Variants in GNAQ observed in about 807,000 individuals in gnomAD.
GNAQ encodes G protein subunit alpha q.
A neutral mutation model predicts 43.9 loss-of-function variants in GNAQ; 8 were observed. The ratio of observed to expected loss-of-function variants is 0.18; its 90% CI spans 0.11 to 0.33. The LOEUF is 0.33. Among genes scored for constraint, GNAQ ranks in the 10% least tolerant of loss-of-function variants. GNAQ has a pLI of 1.00. For synonymous variants in GNAQ, 155 were observed against 170.7 expected (o/e 0.91, Z 0.71); for missense variants, 158 against 450.8 (o/e 0.35, Z 5.88).
At chr9:77,729,178 A>G (rs1295713841) in intron 5 of GNAQ, among the ~76,000 whole-genome samples, 2 of 152,178 alleles carry the variant, frequency 1.3e-5, no homozygotes, top group African/African-American at 4.8e-5. Flanking sequence ...TTATTACTCT[A>G]CACACACACA....
At chr9:78,014,493 C>G (rs561742470) in intron 1 of GNAQ, among the ~76,000 whole-genome samples, 14 of 152,144 alleles carry the variant, frequency 9.2e-5, no homozygotes, top group South Asian at 4.2e-4. Flanking sequence ...ATAATCCCAG[C>G]TACTTAGGAG....
chr9:77,923,440 T>C (rs1829027097), intron 1 of GNAQ, among the ~76,000 whole-genome samples: 1 of 152,216 alleles, frequency 6.6e-6, no homozygotes, highest in Non-Finnish European at 1.5e-5. Context: ...GAGCTATATA[T>C]GTCCCTGGGA....
rs189421452 is a variant in GNAQ, at chr9:77,840,934, C to T, written c.322-25164G>A. Among the ~76,000 whole-genome samples, 26 of 151,926 alleles carry T rather than the reference C, an allele frequency of 1.7e-4. 2 individuals carry two copies. The highest frequency in any genetic ancestry group is 1.5e-3 in the Admixed American group (23 of 15,268). The stretch of plus-strand genomic sequence containing the variant: ...AGGGACACAGGTAGGGAAAGCAGAC[C>T]GATAGGCCACTCCTGAGCACTATAC... On this transcript the variant is annotated intron_variant, in intron 2 of 6. Coordinates refer to ENST00000286548, the MANE Select transcript of GNAQ (RefSeq NM_002072.5).
At chr9:77,954,638 T>C (rs1352784709) in intron 1 of GNAQ, among the ~76,000 whole-genome samples, 4 of 152,318 alleles carry the variant, frequency 2.6e-5, no homozygotes, top group South Asian at 4.1e-4. Context: ...TAGAGTTTAA[T>C]GACACAAAAT....
chr9:77,776,200 A>T (rs553655213), intron 5 of GNAQ, among the ~76,000 whole-genome samples: 1 of 152,344 alleles, frequency 6.6e-6, no homozygotes, highest in South Asian at 2.1e-4. Flanking sequence ...TAGCCTAGAA[A>T]ACCAACAGCT....
At chr9:77,805,517 GC>G (rs1160562726) in intron 3 of GNAQ, among the ~76,000 whole-genome samples, 4 of 151,894 alleles carry the variant, frequency 2.6e-5, no homozygotes, top group Non-Finnish European at 5.9e-5. Context: ...CGATTCTCCT[GC>G]CTCAGCCTCC....
At chr9:77,888,949 T>A (rs1244017712) in intron 2 of GNAQ, among the ~76,000 whole-genome samples, 2 of 152,108 alleles carry the variant, frequency 1.3e-5, no homozygotes, top group Non-Finnish European at 1.5e-5. Flanking sequence ...AATCAAAAAA[T>A]TTTTCATTCT....
intron 2 of GNAQ, among the ~76,000 whole-genome samples, chr9:77,822,933 G>T (rs1319510779): frequency 6.9e-6 from 1 of 144,452 alleles, no homozygotes; most frequent in Non-Finnish European, 1.5e-5. Flanking sequence ...TTTAGAAGTT[G>T]TTTTTTTTTT....
intron 5 of GNAQ, among the ~76,000 whole-genome samples, chr9:77,734,960 G>A (rs1051439194): frequency 6.6e-6 from 1 of 152,144 alleles, no homozygotes; most frequent in African/African-American, 2.4e-5. Flanking sequence ...AACATCTGCT[G>A]GGTACACCTA....
At chr9:78,031,013 CG>C in intron 1 of GNAQ, 86 bp downstream of exon 1, 3 of 992,522 alleles carry the variant, frequency 3.0e-6, no homozygotes, top group Non-Finnish European at 2.6e-6. Context: ...CGCCGGGGGG[CG>C]GGGGCGCCGA....
At chr9:77,911,681 T>C (rs1288048369) in intron 2 of GNAQ, among the ~76,000 whole-genome samples, 1 of 152,174 alleles carries the variant, frequency 6.6e-6, no homozygotes, top group African/African-American at 2.4e-5. Context: ...GAAGGGATTC[T>C]GATGCAAAAT....
chr9:78,000,123 C>A (rs1823625795), intron 1 of GNAQ, among the ~76,000 whole-genome samples: 1 of 151,978 alleles, frequency 6.6e-6, no homozygotes. Context: ...CTATAAATGT[C>A]CAAAATCTAA....
chr9:77,959,504 A>G (rs1378188228), intron 1 of GNAQ, among the ~76,000 whole-genome samples: 1 of 152,250 alleles, frequency 6.6e-6, no homozygotes, highest in Non-Finnish European at 1.5e-5. Flanking sequence ...GATTTTATAG[A>G]AATAATTCTG....
intron 5 of GNAQ, among the ~76,000 whole-genome samples, chr9:77,735,955 C>T (rs541290848): frequency 2.0e-5 from 3 of 152,284 alleles, no homozygotes; most frequent in Admixed American, 1.3e-4. Context: ...CATCCAAGCC[C>T]CTAGCTGTGG....
At chr9:77,911,271 G>C (rs182390792) in intron 2 of GNAQ, among the ~76,000 whole-genome samples, 115 of 152,308 alleles carry the variant, frequency 7.6e-4, no homozygotes, top group African/African-American at 2.7e-3. Context: ...GTACAATTTA[G>C]AGATAATGCT....
chr9:77,786,825 C>A (rs182889893), intron 5 of GNAQ, among the ~76,000 whole-genome samples: 4 of 152,178 alleles, frequency 2.6e-5, no homozygotes, highest in Non-Finnish European at 5.9e-5. Flanking sequence ...AATACTACTA[C>A]TAGGTACATA....
chr9:77,849,198 T>C lies in GNAQ; in HGVS notation c.322-33428A>G, dbSNP rs562932943. 5.3e-5 allele frequency among the ~76,000 whole-genome samples: 8 copies of C among 152,328 alleles called. No individual in the cohort carries two copies. In the South Asian group the frequency reaches 1.7e-3, roughly 32 times the overall value. On this transcript the variant is annotated intron_variant, in intron 2 of 6. Transcript: ENST00000286548. ...TCGATTATTTAACCGTGGAAGAGGA[T>C]AACTGATGACTCCCAAAGGTTTTCC...
At chr9:77,865,949 T>C (rs1386507304) in intron 2 of GNAQ, among the ~76,000 whole-genome samples, 2 of 152,172 alleles carry the variant, frequency 1.3e-5, no homozygotes, top group African/African-American at 4.8e-5. Flanking sequence ...GCTAGGAATA[T>C]AATGATTAAG....
chr9:77,879,099 G>T (rs1320493026), intron 2 of GNAQ, among the ~76,000 whole-genome samples: 2 of 151,408 alleles, frequency 1.3e-5, no homozygotes, highest in South Asian at 4.2e-4. Context: ...AATAAGATGA[G>T]GAAAATGAGC....
Sources: allele counts gnomAD v4.1 joint callset (sites outside exome capture counted in the v4.1 genomes callset), GRCh38; gene constraint gnomAD v4.1.1; transcripts MANE v1.5; gene names NCBI Gene and HGNC (gene_info 2026-07-23, HGNC 2026-07-21).